DNAH1: variants seen among roughly 807,000 people sequenced by gnomAD.
DNAH1 encodes the protein dynein axonemal heavy chain 1, also known as axonemal beta dynein heavy chain 1.
DNAH1 carries 327 observed loss-of-function variants against 484.3 expected under a neutral mutation model. The ratio of observed to expected loss-of-function variants is 0.68; its 90% CI spans 0.62 to 0.74. The LOEUF (loss-of-function observed/expected upper bound fraction) is 0.74. Ranked by LOEUF, DNAH1 falls within the 30% of genes least tolerant of loss-of-function variation. The probability of loss-of-function intolerance (pLI) is 0.00; values close to 1 mark genes in which losing one functional copy is unlikely to be tolerated. For missense variants in DNAH1, 5,052 were observed against 5,546.8 expected (o/e 0.91, Z 2.83); for synonymous variants, 2,192 against 2,191.9 (o/e 1.00, Z 0.00).
At chr3:52,365,373 C>T (rs1164558620) in intron 34 of DNAH1, among the ~76,000 whole-genome samples, 1 of 152,240 alleles carries the variant, frequency 6.6e-6, no homozygotes, top group Non-Finnish European at 1.5e-5. Flanking sequence ...CAGCCCACCT[C>T]ACCACAGCCA....
intron 28 of DNAH1, among the ~76,000 whole-genome samples, chr3:52,360,849 A>G (rs559670832): frequency 2.0e-5 from 3 of 152,270 alleles, no homozygotes; most frequent in South Asian, 2.1e-4. Context: ...TCAGTCAGTC[A>G]TGTCATCTTG....
At position 52,394,561 on chromosome 3, in the gene DNAH1, C is replaced by A. The variant is rs1269951288; in HGVS notation, c.10723C>A (p.Leu3575Ile). 3.1e-6 allele frequency: 5 copies of A among 1,613,668 alleles called. No homozygotes were observed. Among genetic ancestry groups the A allele is most frequent in the Non-Finnish European group, 3.4e-6 (4 of 1,179,672 alleles). The change falls in exon 67 of 78, where the codon CTA (leucine) becomes ATA (isoleucine). Residue 3575 changes from leucine to isoleucine, a missense_variant. Around this residue, in one of 4 missense-constraint regions of DNAH1, gnomAD observed 853 missense variants for 899.0 expected, o/e 0.95. Transcript: ENST00000420323. The stretch of plus-strand genomic sequence containing the variant: ...GTCAGACCGGGCTTGGCGAGACATC[C>A]TAGCACTCTCGAACCTGCCAACCTT... ...WLSDRAWRDI[L>I]ALSNLPTFSS... is the part of the protein sequence containing the mutation.
intron 55 of DNAH1, 37 bp from the exon 56 acceptor site, chr3:52,386,625 G>T: frequency 6.6e-7 from 1 of 1,521,508 alleles, no homozygotes; most frequent in Non-Finnish European, 8.8e-7. Flanking sequence ...GTGCCCACTG[G>T]GTCTGAGTCT....
chr3:52,379,916 G>C lies in DNAH1; in HGVS notation c.7389G>C (p.Gln2463His), dbSNP rs1343620573. The C allele has an allele frequency of 2.7e-5, 42 of 1,562,566 alleles. No homozygotes were observed. Among genetic ancestry groups the C allele is most frequent in the Non-Finnish European group, 3.5e-5 (40 of 1,153,904 alleles). The part of the protein sequence containing the change: ...ADPAKVEDQV[Q>H]LLRLWYHENC... Reference sequence around the variant, plus strand: ...TGGGGCTACTGCAGGACCAAGTGCAGCTGCTGCGACTGTGGTATCACGAGA... The same window carrying C: ...TGGGGCTACTGCAGGACCAAGTGCACCTGCTGCGACTGTGGTATCACGAGA... The change falls in exon 48 of 78, where the codon CAG becomes CAC. Residue 2463 changes from glutamine to histidine, a missense_variant. Physicochemically the swap from Gln to His is conservative, Grantham distance 24. Coordinates refer to ENST00000420323, the MANE Select transcript of DNAH1 (RefSeq NM_015512.5). This position sits in a 1 kb window ranked among gnomAD's most constrained non-coding sequence, Gnocchi z 4.4.
Position 52,349,081 on chromosome 3 carries a change from A to G in DNAH1, c.2300A>G (p.Lys767Arg), listed in dbSNP as rs751120287. ...LNNNDIASFLKTYQTQGLLAQ... is the reference protein window; with the variant it reads ...LNNNDIASFLRTYQTQGLLAQ... ...AACAATGACATTGCCTCCTTTCTCA[A>G]GTGCGTACGTGTGCCCATGCACGTC... The change falls in exon 13 of 78, where the codon AAA becomes AGA. Residue 767 changes from lysine to arginine, a missense_variant and splice_region_variant. By Grantham distance (26) the Lys-to-Arg change is conservative. This residue lies in a region of DNAH1 where 1,263 missense variants were observed against 1,218.8 expected (regional missense o/e 1.04). Transcript: ENST00000420323. 2.5e-6 allele frequency: 4 copies of G among 1,613,062 alleles called. No homozygotes were observed. The highest frequency in any genetic ancestry group is 3.4e-6 in the Non-Finnish European group (4 of 1,179,804).
intron 8 of DNAH1, among the ~76,000 whole-genome samples, chr3:52,338,605 G>C (rs1701818731): frequency 2.0e-5 from 3 of 152,172 alleles, no homozygotes; most frequent in Admixed American, 2.0e-4. Flanking sequence ...AGTTCCTTGA[G>C]TTCTCACACG....
intron 64 of DNAH1, 43 bp downstream of exon 64, chr3:52,392,732 G>A (rs754979474): frequency 2.8e-5 from 33 of 1,186,686 alleles, no homozygotes; most frequent in South Asian, 5.1e-5. Flanking sequence ...GGAGTGCCCC[G>A]GGCCTGCCCC....
chr3:52,317,941 G>C (rs1701010311), intron 1 of DNAH1: 1 of 152,570 alleles, frequency 6.6e-6, no homozygotes, highest in Non-Finnish European at 1.5e-5. Flanking sequence ...GGGCCAGCGC[G>C]GGCAGCGGGA....
At position 52,383,523 on chromosome 3, in the gene DNAH1, C is replaced by T; in HGVS notation, c.8079C>T (p.Pro2693=). The change falls in exon 51 of 78, where the codon CCC becomes CCT. Residue 2693 remains proline (P), a synonymous_variant. Coordinates refer to ENST00000420323, the MANE Select transcript of DNAH1 (RefSeq NM_015512.5). Reference sequence around the variant, plus strand: ...ATATCCAGGAGCAGGGCCTACAGCCCACCAAGGCCAACCTCATGGCTGCTT... The same window carrying T: ...ATATCCAGGAGCAGGGCCTACAGCCTACCAAGGCCAACCTCATGGCTGCTT... The part of the protein sequence containing the change: ...RPYIQEQGLQ[P]TKANLMAAYT... The T allele has an allele frequency of 1.2e-6, 2 of 1,613,342 alleles. No individual in the cohort carries two copies. Among genetic ancestry groups the T allele is most frequent in the Non-Finnish European group, 1.7e-6 (2 of 1,179,616 alleles).
chr3:52,359,944 G>A lies in DNAH1; in HGVS notation c.4436G>A (p.Gly1479Glu), dbSNP rs1189962255. Residue 1479 changes from glycine to glutamate, a missense_variant, in exon 27 of 78, where the codon GGG (glycine) becomes GAG (glutamate). Gly to Glu is a moderately conservative substitution (Grantham distance 98, BLOSUM62 -2). Around this residue, in one of 4 missense-constraint regions of DNAH1, gnomAD observed 2,929 missense variants for 3,409.4 expected, o/e 0.86. Coordinates refer to ENST00000420323, the MANE Select transcript of DNAH1 (RefSeq NM_015512.5). ...AGTGATCTGGTGGCCCTTGTGCGGG[G>A]GAAGCTGTCCCGCATGCAGCGGGCA... is the stretch of plus-strand genomic sequence containing the variant. The part of the protein sequence containing the change: ...QLSDLVALVR[G>E]KLSRMQRAVL... The A allele has an allele frequency of 6.2e-7, 1 of 1,613,844 alleles. No homozygotes were observed. The highest frequency in any genetic ancestry group is 1.1e-5 in the South Asian group (1 of 91,084).
chr3:52,338,748 G>A (rs1197195577), intron 8 of DNAH1, among the ~76,000 whole-genome samples: 5 of 152,018 alleles, frequency 3.3e-5, no homozygotes, highest in African/African-American at 7.3e-5. Context: ...GAGGTTGGCC[G>A]GGCATGGTGG....
chr3:52,394,853 C>T, intron 67 of DNAH1, 62 bp from the exon 68 acceptor site: 1 of 1,589,040 alleles, frequency 6.3e-7, no homozygotes, highest in Non-Finnish European at 8.6e-7. Flanking sequence ...GGCCGAATCC[C>T]TGGGGCCACC....
Position 52,396,443 on chromosome 3 carries a change from T to C in DNAH1, c.11335T>C (p.Ser3779Pro), listed in dbSNP as rs1704628808. 1 of 1,595,624 alleles carries C rather than the reference T, an allele frequency of 6.3e-7. No individual in the cohort carries two copies. The highest frequency in any genetic ancestry group is 1.1e-5 in the South Asian group (1 of 88,018). ...CCCAGTGTCCATCCTGCAGAACGGC[T>C]CCAAGATGACCATTGAGCCGCCACG... is the stretch of plus-strand genomic sequence containing the variant. ...KFPVSILQNG[S>P]KMTIEPPRGV... is the part of the protein sequence containing the mutation. Residue 3779 changes from serine to proline, a missense_variant, in exon 71 of 78, where the codon TCC (serine) becomes CCC (proline). Ser to Pro is a moderately conservative substitution (Grantham distance 74). This residue lies in a region of DNAH1 where 853 missense variants were observed against 899.0 expected (regional missense o/e 0.95). Coordinates refer to ENST00000420323, the MANE Select transcript of DNAH1 (RefSeq NM_015512.5).
chr3:52,397,390 A>T (rs1301367903), intron 73 of DNAH1, among the ~76,000 whole-genome samples: 1 of 152,174 alleles, frequency 6.6e-6, no homozygotes, highest in Non-Finnish European at 1.5e-5. Context: ...TGTGAGGAGA[A>T]GCCATGAGCC....
rs770289444 is a variant in DNAH1 at position 52,352,624 on chromosome 3, G to A, written c.2944G>A (p.Val982Ile). Residue 982 changes from valine (V) to isoleucine (I), a missense_variant, in exon 18 of 78, where the codon GTC becomes ATC. By Grantham distance (29) the Val-to-Ile change is conservative. Around this residue, in one of 4 missense-constraint regions of DNAH1, gnomAD observed 2,929 missense variants for 3,409.4 expected, o/e 0.86. Coordinates refer to ENST00000420323, the MANE Select transcript of DNAH1 (RefSeq NM_015512.5). ...CGAGATCGCCAACGAGGTGCGGCGT[G>A]TCAAGAAGCAGCTGAAGGACTGCCA... ...AHEIANEVRR[V>I]KKQLKDCQQL... 3.7e-6 allele frequency: 6 copies of A among 1,612,806 alleles called. No homozygotes were observed. The South Asian group carries it at 6.6e-5, about 18-fold the overall frequency.
chr3:52,351,317 C>T (rs1353244437), intron 16 of DNAH1, among the ~76,000 whole-genome samples: 2 of 152,188 alleles, frequency 1.3e-5, no homozygotes, highest in Non-Finnish European at 2.9e-5. Context: ...GCCTTAGGTG[C>T]CCTTTTCCTG....
chr3:52,327,982 C>G lies in DNAH1; in HGVS notation c.839C>G (p.Ala280Gly). The change falls in exon 6 of 78, where the codon GCC becomes GGC. Residue 280 changes from alanine (A) to glycine (G), a missense_variant. Transcript: ENST00000420323. ...SLDRKPVPGKALLPTDDFLGH... is the reference protein window; with the variant it reads ...SLDRKPVPGKGLLPTDDFLGH... The stretch of plus-strand genomic sequence containing the variant: ...GACAGGAAACCTGTCCCGGGAAAAG[C>G]CCTCTTGCCCACTGATGACTTCCTG... 6.2e-7 allele frequency: 1 copy of G among 1,613,942 alleles called. No homozygotes were observed. The highest frequency in any genetic ancestry group is 8.5e-7 in the Non-Finnish European group (1 of 1,179,840).
chr3:52,383,656 C>T (rs1052748869), intron 51 of DNAH1, 62 bp downstream of exon 51: 2 of 1,471,852 alleles, frequency 1.4e-6, no homozygotes, highest in Admixed American at 2.3e-5. Flanking sequence ...CATGGGCTGG[C>T]CCCGGGGACA....
At chr3:52,346,430 G>A in intron 10 of DNAH1, 42 bp from the exon 11 acceptor site, 2 of 1,562,788 alleles carry the variant, frequency 1.3e-6, no homozygotes, top group Non-Finnish European at 1.7e-6. Flanking sequence ...TAGGTCGTGG[G>A]TCCCCAGGGT....
Sources: allele counts gnomAD v4.1 joint callset (sites outside exome capture counted in the v4.1 genomes callset), GRCh38; gene constraint gnomAD v4.1.1; regional missense constraint gnomAD v4.1.1; non-coding constraint Gnocchi (gnomAD v3.1); transcripts MANE v1.5; gene names NCBI Gene and HGNC (gene_info 2026-07-23, HGNC 2026-07-21).